RNF130: variants seen among roughly 807,000 people sequenced by gnomAD.
RNF130 encodes ring finger protein 130.
In RNF130, 21 loss-of-function variants were observed where a neutral mutation model predicts 44.6. The observed-to-expected ratio is 0.47, with a 90% CI of 0.33 to 0.68. The LOEUF is 0.68. RNF130 is among the 30% of genes least tolerant of loss of function. RNF130 has a pLI of 0.02. For synonymous variants in RNF130, 214 were observed against 210.4 expected, an observed-to-expected ratio of 1.02 and a Z score of -0.15; for missense variants, 479 against 560.6, an observed-to-expected ratio of 0.85 and a Z score of 1.47.
At chr5:179,937,933 T>TGTGTGTGTGAGAGA (rs1268947878) in intron 7 of RNF130, among the ~76,000 whole-genome samples, 1 of 116,222 alleles carries the variant, frequency 8.6e-6, no homozygotes, top group African/African-American at 3.5e-5. Context: ...TGTGTGTGTG[T>TGTGTGTGTGAGAGA]GAGAGAGAGA....
intron 3 of RNF130, among the ~76,000 whole-genome samples, chr5:180,003,696 A>T (rs77199759): frequency 2.1e-4 from 31 of 149,994 alleles, no homozygotes; most frequent in African/African-American, 5.1e-4. Context: ...CTATTTTTTT[A>T]AAATTTTTCA....
At position 180,005,447 on chromosome 5, in the gene RNF130, A is replaced by C. The variant is rs147157274; in HGVS notation, c.693+7614T>G. Reference sequence around the variant, plus strand: ...CTGTCTCAGAAAAACAACAACAACAACACCAACAGAAACCATATTGATTAT... The same window carrying C: ...CTGTCTCAGAAAAACAACAACAACACCACCAACAGAAACCATATTGATTAT... On this transcript the variant is annotated intron_variant, in intron 3 of 8. Coordinates refer to ENST00000521389, the MANE Select transcript of RNF130 (RefSeq NM_018434.6). Among the ~76,000 whole-genome samples, 318 of 151,960 alleles carry C rather than the reference A, an allele frequency of 2.1e-3. 1 individual carries two copies. The highest frequency in any genetic ancestry group is 3.8e-3 in the African/African-American group (159 of 41,424).
chr5:179,950,759 A>T (rs141884583), downstream of RNF130, among the ~76,000 whole-genome samples: 7 of 152,248 alleles, frequency 4.6e-5, no homozygotes, highest in Non-Finnish European at 5.9e-5. Context: ...ATGTGAAAAG[A>T]AAGCACATTA....
chr5:180,040,786 C>A, intron 1 of RNF130, 139 bp from the exon 2 acceptor site: 2 of 681,172 alleles, frequency 2.9e-6, no homozygotes, highest in South Asian at 2.1e-5. Context: ...ATGAATACAT[C>A]CACAAACAAT....
At position 180,071,547 on chromosome 5, in the gene RNF130, G is replaced by T. The variant is rs1039929785; in HGVS notation, c.156C>A (p.Leu52=). 2.8e-6 allele frequency: 4 copies of T among 1,415,388 alleles called. No homozygotes were observed. Among genetic ancestry groups the T allele is most frequent in the African/African-American group, 2.9e-5 (2 of 68,376 alleles). The allele number at this position is 1,415,388 out of a possible 1,614,324, so 87.7% of individuals were successfully genotyped here. ...AGCGCCCGCGGTCGATGCGAAACGT[G>T]AGCGGGGCGCCGCGGCCGGGCTCCT... ...TVQEPGRGAP[L]TFRIDRGRYG... Residue 52 remains leucine (L), a synonymous_variant, in exon 1 of 9, where the codon CTC becomes CTA. Transcript: ENST00000521389.
At chr5:179,995,300 T>C (rs1435857805) in intron 3 of RNF130, among the ~76,000 whole-genome samples, 1 of 152,112 alleles carries the variant, frequency 6.6e-6, no homozygotes, top group Non-Finnish European at 1.5e-5. Context: ...AAATTTGCTA[T>C]TGGGTCCAAA....
chr5:179,998,857 TTTTATATATATATATATA>T (rs1375766565), intron 3 of RNF130, among the ~76,000 whole-genome samples: 2 of 65,232 alleles, frequency 3.1e-5, no homozygotes, highest in African/African-American at 6.4e-5. Flanking sequence ...ATCTAGTATT[TTTTATATATATATATATA>T]TATATATATG....
chr5:180,005,658 T>C (rs980664621), intron 3 of RNF130, among the ~76,000 whole-genome samples: 11 of 152,330 alleles, frequency 7.2e-5, no homozygotes, highest in Admixed American at 3.9e-4. Flanking sequence ...CTCCATCTGA[T>C]GAAGTCTTAA....
chr5:179,992,724 GTTTA>G (rs994341725), intron 3 of RNF130, among the ~76,000 whole-genome samples: 26 of 151,828 alleles, frequency 1.7e-4, no homozygotes, highest in Admixed American at 3.3e-4. Flanking sequence ...ATTTTTTATG[GTTTA>G]TTTATTATTA....
chr5:180,059,626 AAAG>A (rs1326559178), intron 1 of RNF130, among the ~76,000 whole-genome samples: 3 of 152,234 alleles, frequency 2.0e-5, no homozygotes, highest in African/African-American at 7.2e-5. Flanking sequence ...GAGTCATAGA[AAAG>A]AAATGTTGGA....
intron 1 of RNF130, among the ~76,000 whole-genome samples, chr5:180,056,808 A>C (rs962062019): frequency 2.6e-5 from 4 of 152,230 alleles, no homozygotes; most frequent in Non-Finnish European, 5.9e-5. Flanking sequence ...AGCAGAATGC[A>C]TAACTACCAC....
At chr5:180,025,146 C>T (rs1260533608) in intron 2 of RNF130, among the ~76,000 whole-genome samples, 1 of 152,216 alleles carries the variant, frequency 6.6e-6, no homozygotes, top group Non-Finnish European at 1.5e-5. Flanking sequence ...CACCTATAGC[C>T]TAAGGCTGCA....
At chr5:179,916,057 C>G (rs1289973731) in exon 8 of RNF130, 1 of 152,160 alleles carries the variant, frequency 6.6e-6, no homozygotes, top group Non-Finnish European at 1.5e-5. Context: ...TCTCTAAAAT[C>G]AGTGTTTTTG....
chr5:179,949,774 A>T (rs1346806242), intron 7 of RNF130, among the ~76,000 whole-genome samples: 1 of 152,198 alleles, frequency 6.6e-6, no homozygotes, highest in Non-Finnish European at 1.5e-5. Context: ...CTTGGCACGC[A>T]GCTGCAACTT....
chr5:179,987,122 T>C (rs990318323), intron 3 of RNF130, among the ~76,000 whole-genome samples: 2 of 152,128 alleles, frequency 1.3e-5, no homozygotes, highest in East Asian at 1.9e-4. Context: ...CTTTATGATA[T>C]GGATGCCCCT....
At chr5:179,956,848 G>A (rs1434980098) in intron 8 of RNF130, among the ~76,000 whole-genome samples, 1 of 152,216 alleles carries the variant, frequency 6.6e-6, no homozygotes, top group East Asian at 1.9e-4. Flanking sequence ...ATTACCTTCA[G>A]CACTGCGAGC....
chr5:179,988,064 G>T (rs973463499), intron 3 of RNF130, among the ~76,000 whole-genome samples: 1 of 152,206 alleles, frequency 6.6e-6, no homozygotes, highest in African/African-American at 2.4e-5. Context: ...TTATAAATTT[G>T]ATAGGATTTG....
At chr5:179,946,567 T>C (rs1315042894) in intron 7 of RNF130, among the ~76,000 whole-genome samples, 1 of 151,968 alleles carries the variant, frequency 6.6e-6, no homozygotes, top group Non-Finnish European at 1.5e-5. Flanking sequence ...TTTTTTTTTT[T>C]TTTTGAGACG....
chr5:179,930,088 A>G (rs1193620616), intron 7 of RNF130, among the ~76,000 whole-genome samples: 2 of 151,736 alleles, frequency 1.3e-5, no homozygotes, highest in African/African-American at 4.8e-5. Flanking sequence ...ATGGAGTCTT[A>G]CTCTTGTCGC....
Sources: gnomAD v4.1 joint callset for allele counts (sites outside exome capture counted in the v4.1 genomes callset) on GRCh38, gnomAD v4.1.1 for gene constraint, MANE v1.5 for transcripts, NCBI Gene and HGNC (gene_info 2026-07-23, HGNC 2026-07-21) for gene names.